The following CNTNAP2 variants were observed in gnomAD, a reference collection of about 807,000 sequenced individuals.
CNTNAP2 encodes contactin-associated protein-like 2.
A neutral mutation model predicts 155.2 loss-of-function variants in CNTNAP2; 98 were observed. The ratio of observed to expected loss-of-function variants is 0.63; its 90% CI spans 0.54 to 0.75. The LOEUF (loss-of-function observed/expected upper bound fraction) is 0.75, where lower values mean the gene tolerates loss of function less well. Among genes scored for constraint, CNTNAP2 ranks in the 30% least tolerant of loss-of-function variants. CNTNAP2 has a pLI of 0.00. For synonymous variants in CNTNAP2, 651 were observed against 631.2 expected, an observed-to-expected ratio of 1.03 and a Z score of -0.47; for missense variants, 1,727 against 1,688.1, an observed-to-expected ratio of 1.02 and a Z score of -0.40.
chr7:147,073,764 G>A (rs185707017), intron 4 of CNTNAP2, among the ~76,000 whole-genome samples: 3 of 152,136 alleles, frequency 2.0e-5, no homozygotes, highest in Non-Finnish European at 4.4e-5. Flanking sequence ...GCAAGATGAG[G>A]ACTAAAATAT....
At chr7:147,884,508 T>C (rs79835864) in intron 13 of CNTNAP2, among the ~76,000 whole-genome samples, 6 of 142,778 alleles carry the variant, frequency 4.2e-5, no homozygotes, top group Admixed American at 1.4e-4. Flanking sequence ...AAAAAAAAAA[T>C]GACTAATTGA....
At chr7:147,599,342 A>T (rs1009376282) in intron 12 of CNTNAP2, among the ~76,000 whole-genome samples, 4 of 151,848 alleles carry the variant, frequency 2.6e-5, no homozygotes, top group African/African-American at 7.3e-5. Context: ...ATTAAAAAAA[A>T]AAATTAGCCG....
intron 1 of CNTNAP2, among the ~76,000 whole-genome samples, chr7:146,170,885 G>A (rs10272779): frequency 0.02 from 3,011 of 152,180 alleles, 91 homozygotes; most frequent in African/African-American, 0.067. Context: ...AAATTAGCCA[G>A]ACATAGTGTT....
intron 10 of CNTNAP2, among the ~76,000 whole-genome samples, chr7:147,428,821 T>C (rs752458706): frequency 6.6e-6 from 1 of 152,086 alleles, no homozygotes; most frequent in Non-Finnish European, 1.5e-5. Flanking sequence ...CAGGTGGTGT[T>C]TGGTTACATG....
chr7:147,377,924 G>T lies in CNTNAP2; in HGVS notation c.1499-17685G>T. On this transcript the variant is annotated intron_variant, in intron 9 of 23. Coordinates refer to ENST00000361727, the MANE Select transcript of CNTNAP2 (RefSeq NM_014141.6). The stretch of plus-strand genomic sequence containing the variant: ...TAAAAATGTTTAATTGGGATGTATT[G>T]TCCTTTCTGAATCTGAATTTTTAAA... 6.8e-6 allele frequency: 3 copies of T among 441,546 alleles called. No individual in the cohort carries two copies. The Admixed American group carries it at 7.7e-5, about 11-fold the overall frequency. The allele number at this position is 441,546 out of a possible 1,614,324, so 27.4% of individuals were successfully genotyped here.
At chr7:146,332,189 G>A (rs1015387122) in intron 1 of CNTNAP2, among the ~76,000 whole-genome samples, 14 of 151,580 alleles carry the variant, frequency 9.2e-5, no homozygotes, top group African/African-American at 3.4e-4. Flanking sequence ...TAAAAATGTA[G>A]TAAAATTTTT....
At chr7:146,669,478 G>A (rs951738375) in intron 1 of CNTNAP2, among the ~76,000 whole-genome samples, 2 of 152,138 alleles carry the variant, frequency 1.3e-5, no homozygotes, top group Admixed American at 6.6e-5. Flanking sequence ...CATCAATTGC[G>A]TGTAACCAAT....
chr7:147,592,483 T>C (rs1800755257), intron 12 of CNTNAP2, among the ~76,000 whole-genome samples: 1 of 151,236 alleles, frequency 6.6e-6, no homozygotes, highest in Admixed American at 6.6e-5. Flanking sequence ...TTCTGGTTTT[T>C]TTTTTTTGCA....
intron 3 of CNTNAP2, among the ~76,000 whole-genome samples, chr7:147,032,048 C>A (rs1456783933): frequency 5.3e-5 from 8 of 152,162 alleles, no homozygotes; most frequent in Non-Finnish European, 1.2e-4. Context: ...ATAAAATGTT[C>A]TATATCTTGA....
At chr7:146,641,234 G>A (rs1799701142) in intron 1 of CNTNAP2, among the ~76,000 whole-genome samples, 1 of 152,206 alleles carries the variant, frequency 6.6e-6, no homozygotes, top group Admixed American at 6.5e-5. Flanking sequence ...GGCTGAGGCA[G>A]GAGAATGGCG....
intron 1 of CNTNAP2, among the ~76,000 whole-genome samples, chr7:146,761,317 G>A (rs939695119): frequency 1.4e-5 from 2 of 139,078 alleles, no homozygotes; most frequent in Non-Finnish European, 3.1e-5. Flanking sequence ...AAGGAAGGAA[G>A]GAAGGAAGGA....
At chr7:148,166,908 T>A (rs1035548117) in intron 17 of CNTNAP2, among the ~76,000 whole-genome samples, 2 of 151,938 alleles carry the variant, frequency 1.3e-5, no homozygotes, top group African/African-American at 4.9e-5. Flanking sequence ...CTGATTCTAG[T>A]GCATTAATGT....
At chr7:147,823,971 G>A (rs1381627744) in intron 13 of CNTNAP2, among the ~76,000 whole-genome samples, 1 of 152,138 alleles carries the variant, frequency 6.6e-6, no homozygotes, top group South Asian at 2.1e-4. Context: ...GCATGACTAA[G>A]GTTTGTGTTG....
intron 21 of CNTNAP2, among the ~76,000 whole-genome samples, chr7:148,325,542 C>T (rs1239985101): frequency 6.6e-6 from 1 of 152,230 alleles, no homozygotes; most frequent in Non-Finnish European, 1.5e-5. Flanking sequence ...AAAACCATTT[C>T]AGCATCTAAT....
chr7:146,331,290 C>T (rs1408500537), intron 1 of CNTNAP2, among the ~76,000 whole-genome samples: 1 of 136,920 alleles, frequency 7.3e-6, no homozygotes, highest in African/African-American at 2.9e-5. Flanking sequence ...GGCGACAGAG[C>T]GAGACTCCGT....
intron 2 of CNTNAP2, among the ~76,000 whole-genome samples, chr7:146,778,634 G>A (rs1798348990): frequency 6.6e-6 from 1 of 152,148 alleles, no homozygotes; most frequent in African/African-American, 2.4e-5. Flanking sequence ...CAAAACCTTT[G>A]AAAGTTTCAA....
intron 1 of CNTNAP2, among the ~76,000 whole-genome samples, chr7:146,741,132 G>A (rs1374486093): frequency 6.6e-6 from 1 of 152,112 alleles, no homozygotes; most frequent in Non-Finnish European, 1.5e-5. Context: ...CTGGGGTTGG[G>A]AGAGGGGTGA....
At chr7:146,865,825 A>T (rs1196967874) in intron 3 of CNTNAP2, among the ~76,000 whole-genome samples, 3 of 152,154 alleles carry the variant, frequency 2.0e-5, no homozygotes, top group Non-Finnish European at 2.9e-5. Context: ...AGAAAATGAA[A>T]ATCAAACCAC....
At chr7:146,693,918 T>G (rs1449384240) in intron 1 of CNTNAP2, among the ~76,000 whole-genome samples, 2 of 151,776 alleles carry the variant, frequency 1.3e-5, no homozygotes, top group East Asian at 3.9e-4. Flanking sequence ...CCAGTGTGTG[T>G]TGTTCCCCTC....
Sources: allele counts gnomAD v4.1 joint callset (sites outside exome capture counted in the v4.1 genomes callset), GRCh38; gene constraint gnomAD v4.1.1; transcripts MANE v1.5; gene names NCBI Gene and HGNC (gene_info 2026-07-23, HGNC 2026-07-21).